SKAP1: variants seen among roughly 807,000 people sequenced by gnomAD.
The protein encoded by SKAP1 is src kinase-associated phosphoprotein 1.
A neutral mutation model predicts 58.5 loss-of-function variants in SKAP1; 44 were observed. The observed-to-expected ratio is 0.75, with a 90% confidence interval of 0.59 to 0.97. SKAP1 has a LOEUF of 0.97. SKAP1 is among the 50% of genes least tolerant of loss of function. The pLI is 0.00. For synonymous variants in SKAP1, 127 were observed against 149.7 expected, an observed-to-expected ratio of 0.85 and a Z score of 1.11; for missense variants, 390 against 435.2, an observed-to-expected ratio of 0.90 and a Z score of 0.92.
At chr17:48,382,022 C>T (rs755561185) in intron 2 of SKAP1, among the ~76,000 whole-genome samples, 23 of 152,086 alleles carry the variant, frequency 1.5e-4, no homozygotes, top group Non-Finnish European at 3.1e-4. Context: ...GCTATGTAAC[C>T]TTGAGCAAGT....
chr17:48,175,276 G>C (rs1005429568), intron 9 of SKAP1, among the ~76,000 whole-genome samples: 1 of 152,166 alleles, frequency 6.6e-6, no homozygotes, highest in African/African-American at 2.4e-5. Context: ...AGTGATAAAA[G>C]CTTCAAAAAA....
At chr17:48,155,880 C>G (rs1171251512) in intron 11 of SKAP1, among the ~76,000 whole-genome samples, 1 of 152,130 alleles carries the variant, frequency 6.6e-6, no homozygotes, top group Non-Finnish European at 1.5e-5. Context: ...AAACAAGTGA[C>G]CACAGTGGTG....
chr17:48,437,741 C>CGAAA, the SKAP1 span, among the ~76,000 whole-genome samples: 1 of 65,540 alleles, frequency 1.5e-5, no homozygotes, highest in East Asian at 4.3e-4. Context: ...GACTCTGTCT[C>CGAAA]AAAAAAAAAA....
chr17:48,423,324 A>C (rs1318699968), intron 1 of SKAP1, among the ~76,000 whole-genome samples: 1 of 152,190 alleles, frequency 6.6e-6, no homozygotes, highest in Non-Finnish European at 1.5e-5. Flanking sequence ...TTAGAGGCTT[A>C]GTTGAGGGGA....
chr17:48,353,514 C>T (rs1317677844), intron 3 of SKAP1, among the ~76,000 whole-genome samples: 6 of 152,168 alleles, frequency 3.9e-5, no homozygotes, highest in Non-Finnish European at 5.9e-5. Flanking sequence ...TTGGGGTCTA[C>T]TATGCCCCAA....
intron 3 of SKAP1, among the ~76,000 whole-genome samples, chr17:48,362,666 G>A (rs1202093739): frequency 6.6e-6 from 1 of 152,148 alleles, no homozygotes; most frequent in Non-Finnish European, 1.5e-5. Flanking sequence ...TGAGAGTCAA[G>A]AAGCTTTGAA....
At chr17:48,143,206 T>C (rs2063790075) in intron 11 of SKAP1, among the ~76,000 whole-genome samples, 1 of 148,958 alleles carries the variant, frequency 6.7e-6, no homozygotes, top group African/African-American at 2.5e-5. Context: ...TTTTTTTTTT[T>C]TTTGGGAGAC....
intron 4 of SKAP1, among the ~76,000 whole-genome samples, chr17:48,333,330 ACAGAAGGC>A (rs1346765944): frequency 6.6e-6 from 1 of 152,194 alleles, no homozygotes; most frequent in Non-Finnish European, 1.5e-5. Context: ...AAAAAGGCTG[ACAGAAGGC>A]CAGCATTAAA....
chr17:48,217,799 A>G (rs894090241), intron 4 of SKAP1, among the ~76,000 whole-genome samples: 3 of 152,244 alleles, frequency 2.0e-5, no homozygotes, highest in Admixed American at 6.5e-5. Flanking sequence ...TTATCAGACC[A>G]TGATTTGAGG....
intron 4 of SKAP1, among the ~76,000 whole-genome samples, chr17:48,214,615 C>CT (rs36055537): frequency 0.64 from 92,342 of 144,572 alleles, 30,928 homozygotes; most frequent in East Asian, 0.95. Context: ...TCTCCAGTTC[C>CT]TTTTTTTTTT....
At chr17:48,272,592 G>A (rs955702129) in intron 4 of SKAP1, among the ~76,000 whole-genome samples, 1 of 152,132 alleles carries the variant, frequency 6.6e-6, no homozygotes, top group Non-Finnish European at 1.5e-5. Flanking sequence ...GTCTCACTCT[G>A]TCATCTAGGT....
At chr17:48,219,062 T>G (rs2143714481) in intron 4 of SKAP1, among the ~76,000 whole-genome samples, 1 of 152,344 alleles carries the variant, frequency 6.6e-6, no homozygotes, top group Admixed American at 6.5e-5. Flanking sequence ...TATGTTTAAT[T>G]TTGGAATCTC....
chr17:48,310,742 T>C (rs990484361), intron 4 of SKAP1, among the ~76,000 whole-genome samples: 1 of 151,990 alleles, frequency 6.6e-6, no homozygotes, highest in African/African-American at 2.4e-5. Flanking sequence ...AAAATATTGA[T>C]TTATGTATGT....
intron 4 of SKAP1, among the ~76,000 whole-genome samples, chr17:48,246,572 G>A (rs73324779): frequency 0.16 from 24,424 of 152,164 alleles, 2,666 homozygotes; most frequent in African/African-American, 0.3. Flanking sequence ...TTCTAGAGCT[G>A]GAAGAGCTTT....
chr17:48,286,458 TA>T (rs1255296968), intron 4 of SKAP1, among the ~76,000 whole-genome samples: 7 of 152,252 alleles, frequency 4.6e-5, no homozygotes, highest in African/African-American at 9.6e-5. Context: ...AAGTTTCCTT[TA>T]TAAAGCAATG....
chr17:48,364,427 A>C (rs1488037549), intron 2 of SKAP1, among the ~76,000 whole-genome samples: 1 of 152,218 alleles, frequency 6.6e-6, no homozygotes, highest in Non-Finnish European at 1.5e-5. Context: ...CTGTAATCCC[A>C]GCACTTTGGG....
At chr17:48,215,708 A>G (rs546709385) in intron 4 of SKAP1, among the ~76,000 whole-genome samples, 25 of 152,176 alleles carry the variant, frequency 1.6e-4, no homozygotes, top group Admixed American at 1.2e-3. Flanking sequence ...GCTCGAGACC[A>G]CACTGGATGG....
intron 4 of SKAP1, among the ~76,000 whole-genome samples, chr17:48,319,245 T>C (rs2066328930): frequency 6.6e-6 from 1 of 152,184 alleles, no homozygotes; most frequent in Non-Finnish European, 1.5e-5. Flanking sequence ...GAATCCTTTT[T>C]GGGACAATCT....
At chr17:48,348,185 G>T (rs1251888885) in intron 3 of SKAP1, among the ~76,000 whole-genome samples, 1 of 151,668 alleles carries the variant, frequency 6.6e-6, no homozygotes, top group Non-Finnish European at 1.5e-5. Context: ...ACAAAAAGTA[G>T]AAAAATTAGC....
Sources: allele counts gnomAD v4.1 joint callset (sites outside exome capture counted in the v4.1 genomes callset), GRCh38; gene constraint gnomAD v4.1.1; transcripts MANE v1.5; gene names NCBI Gene and HGNC (gene_info 2026-07-23, HGNC 2026-07-21).